Variants in KCNAB1 observed in about 807,000 individuals in gnomAD.
KCNAB1 encodes voltage-gated potassium channel subunit beta-1.
In KCNAB1, 35 loss-of-function variants were observed where a neutral mutation model predicts 64.6. That is an observed-to-expected ratio of 0.54 (90% confidence interval 0.41 to 0.72). The LOEUF (loss-of-function observed/expected upper bound fraction) is 0.72. Among genes scored for constraint, KCNAB1 ranks in the 30% least tolerant of loss-of-function variants. KCNAB1 has a pLI of 0.00. For synonymous variants in KCNAB1, 177 were observed against 183.8 expected, an observed-to-expected ratio of 0.96 and a Z score of 0.30; for missense variants, 401 against 512.9, an observed-to-expected ratio of 0.78 and a Z score of 2.11.
intron 8 of KCNAB1, among the ~76,000 whole-genome samples, chr3:156,486,657 C>T (rs1015410031): frequency 6.6e-6 from 1 of 152,090 alleles, no homozygotes; most frequent in African/African-American, 2.4e-5. Context: ...ACAAATGTCT[C>T]CTGTGTGGGG....
At chr3:156,457,867 C>T (rs1301782399) in intron 4 of KCNAB1, among the ~76,000 whole-genome samples, 1 of 152,184 alleles carries the variant, frequency 6.6e-6, no homozygotes. Flanking sequence ...TAGTTGAATA[C>T]GTGAGTGACC....
intron 1 of KCNAB1, among the ~76,000 whole-genome samples, chr3:156,199,436 A>T (rs1242888007): frequency 6.6e-6 from 1 of 152,106 alleles, no homozygotes; most frequent in African/African-American, 2.4e-5. Context: ...CATTCTCCTT[A>T]TCACTTTCAG....
intron 1 of KCNAB1, among the ~76,000 whole-genome samples, chr3:156,339,782 C>G (rs976096597): frequency 4.6e-5 from 7 of 152,112 alleles, no homozygotes; most frequent in African/African-American, 1.4e-4. Context: ...GGGGAGGGGG[C>G]TCCCACGTCT....
At chr3:156,275,597 C>A (rs907455343) in intron 1 of KCNAB1, among the ~76,000 whole-genome samples, 1 of 152,194 alleles carries the variant, frequency 6.6e-6, no homozygotes, top group Non-Finnish European at 1.5e-5. Context: ...GCTTGATCAA[C>A]CAAGCTTACG....
intron 1 of KCNAB1, among the ~76,000 whole-genome samples, chr3:156,335,872 A>G (rs1474812555): frequency 9.2e-6 from 1 of 108,868 alleles, no homozygotes; most frequent in Non-Finnish European, 1.7e-5. Context: ...TTTTTTTTGC[A>G]TTACACAGAT....
In KCNAB1 at chr3:156,455,474, T is replaced by C. The variant is rs553336994; in HGVS notation, c.358-1979T>C. Among the ~76,000 whole-genome samples, 529 of 152,326 alleles carry C rather than the reference T, an allele frequency of 3.5e-3. 1 individual carries two copies. Among genetic ancestry groups the C allele is most frequent in the South Asian group, 8.3e-3 (40 of 4,830 alleles). On this transcript the variant is annotated intron_variant, in intron 3 of 13. Coordinates refer to ENST00000490337, the MANE Select transcript of KCNAB1 (RefSeq NM_172160.3). ...ATTTGGCTTCATCAAAAAATAAAGA[T>C]AGATGTTACTGATATGAATAATTAT...
At chr3:156,278,945 TTTTTTATTTA>T (rs1207657059) in intron 1 of KCNAB1, among the ~76,000 whole-genome samples, 1 of 152,004 alleles carries the variant, frequency 6.6e-6, no homozygotes, top group Non-Finnish European at 1.5e-5. Context: ...TTTATTTTAT[TTTTTTATTTA>T]TTTTTATTTA....
intron 1 of KCNAB1, among the ~76,000 whole-genome samples, chr3:156,188,797 C>T (rs1031708867): frequency 6.6e-6 from 1 of 151,998 alleles, no homozygotes. Context: ...TCTACTATAC[C>T]CTGAGGCCTT....
intron 1 of KCNAB1, among the ~76,000 whole-genome samples, chr3:156,241,816 G>A (rs1717179308): frequency 6.6e-6 from 1 of 151,990 alleles, no homozygotes; most frequent in Admixed American, 6.5e-5. Context: ...AAACTTTCCA[G>A]TGTCTAAGAA....
downstream of KCNAB1, chr3:156,539,119 A>G (rs1719292289): frequency 6.6e-6 from 1 of 152,176 alleles, no homozygotes; most frequent in South Asian, 2.1e-4. Flanking sequence ...CAGAGAATCT[A>G]TCATTCCAAA....
At chr3:156,218,821 A>G (rs1256289827) in intron 1 of KCNAB1, among the ~76,000 whole-genome samples, 1 of 137,778 alleles carries the variant, frequency 7.3e-6, no homozygotes, top group East Asian at 2.0e-4. Context: ...AAAATAAAAT[A>G]AAAATAAATA....
At chr3:156,433,935 A>C (rs935568588) in intron 2 of KCNAB1, among the ~76,000 whole-genome samples, 3 of 152,068 alleles carry the variant, frequency 2.0e-5, no homozygotes, top group Non-Finnish European at 2.9e-5. Context: ...GGAAAAAGAG[A>C]CCATTACTAT....
At chr3:156,364,373 A>G (rs1316844674) in intron 1 of KCNAB1, among the ~76,000 whole-genome samples, 1 of 152,212 alleles carries the variant, frequency 6.6e-6, no homozygotes, top group Non-Finnish European at 1.5e-5. Flanking sequence ...GCATGAAACC[A>G]AGTCCTTTGA....
intron 1 of KCNAB1, among the ~76,000 whole-genome samples, chr3:156,347,900 T>G (rs980458278): frequency 1.3e-5 from 2 of 152,180 alleles, no homozygotes; most frequent in Non-Finnish European, 2.9e-5. Context: ...AAACGGGGAT[T>G]AGTTACAAGG....
intron 1 of KCNAB1, among the ~76,000 whole-genome samples, chr3:156,373,289 C>G (rs1000913653): frequency 6.6e-6 from 1 of 152,152 alleles, no homozygotes; most frequent in African/African-American, 2.4e-5. Context: ...AAAAACACCA[C>G]AAAAGGCTTG....
intron 1 of KCNAB1, among the ~76,000 whole-genome samples, chr3:156,255,426 CA>C (rs1718046052): frequency 6.6e-6 from 1 of 152,114 alleles, no homozygotes; most frequent in Non-Finnish European, 1.5e-5. Flanking sequence ...ACATTTATTC[CA>C]AACCAGATGT....
intron 1 of KCNAB1, among the ~76,000 whole-genome samples, chr3:156,202,368 C>A (rs1714390344): frequency 2.0e-5 from 3 of 152,188 alleles, no homozygotes; most frequent in Non-Finnish European, 4.4e-5. Flanking sequence ...TTGGGTGTAG[C>A]CCTCTGCAGT....
At chr3:156,476,895 G>A (rs889550735) in intron 8 of KCNAB1, among the ~76,000 whole-genome samples, 12 of 152,128 alleles carry the variant, frequency 7.9e-5, no homozygotes, top group Non-Finnish European at 1.5e-4. Context: ...CACATTTTAA[G>A]TGCCTAGTGA....
chr3:156,467,880 T>C (rs909933650), intron 7 of KCNAB1, among the ~76,000 whole-genome samples: 13 of 152,144 alleles, frequency 8.5e-5, no homozygotes, highest in African/African-American at 3.1e-4. Flanking sequence ...TGGTCTTATT[T>C]ATCTCCTTAT....
Sources: allele counts gnomAD v4.1 joint callset (sites outside exome capture counted in the v4.1 genomes callset), GRCh38; gene constraint gnomAD v4.1.1; transcripts MANE v1.5; gene names NCBI Gene and HGNC (gene_info 2026-07-23, HGNC 2026-07-21).